The following PHF21B variants were observed in gnomAD, a reference collection of about 807,000 sequenced individuals.
PHF21B encodes PHD finger protein 21B.
A neutral mutation model predicts 62.2 loss-of-function variants in PHF21B; 22 were observed. The observed-to-expected ratio is 0.35, with a 90% CI of 0.25 to 0.51. The LOEUF is 0.51. Ranked by LOEUF, PHF21B falls within the 20% of genes least tolerant of loss-of-function variation. The pLI, the probability that PHF21B is intolerant of heterozygous loss-of-function variation, is 0.97. For missense variants in PHF21B, 701 were observed against 707.9 expected (o/e 0.99, Z 0.11); for synonymous variants, 341 against 314.7 (o/e 1.08, Z -0.88).
chr22:44,899,799 GT>G (rs2071125878), intron 5 of PHF21B, among the ~76,000 whole-genome samples: 1 of 152,152 alleles, frequency 6.6e-6, no homozygotes, highest in Non-Finnish European at 1.5e-5. Flanking sequence ...ACAGGTTACT[GT>G]GTTGCTATGA....
intron 2 of PHF21B, among the ~76,000 whole-genome samples, chr22:44,943,597 G>T (rs1412964489): frequency 6.6e-6 from 1 of 152,096 alleles, no homozygotes; most frequent in Non-Finnish European, 1.5e-5. Context: ...CTGGCAGCTG[G>T]CTCACACCGG....
intron 5 of PHF21B, among the ~76,000 whole-genome samples, chr22:44,910,544 T>C (rs917254414): frequency 3.3e-5 from 5 of 152,178 alleles, no homozygotes; most frequent in African/African-American, 1.2e-4. Flanking sequence ...TGATAGTGAA[T>C]GTCTCACGAG....
chr22:44,963,008 C>A (rs1764764620), intron 2 of PHF21B, among the ~76,000 whole-genome samples: 1 of 152,248 alleles, frequency 6.6e-6, no homozygotes, highest in South Asian at 2.1e-4. Flanking sequence ...TCATCCGGTT[C>A]TTTCAACAAC....
At chr22:44,986,552 C>T (rs1226276480) in intron 2 of PHF21B, among the ~76,000 whole-genome samples, 2 of 149,144 alleles carry the variant, frequency 1.3e-5, no homozygotes, top group African/African-American at 2.5e-5. Flanking sequence ...AAAAGGGCAA[C>T]CCAAGCAGGA....
intron 2 of PHF21B, among the ~76,000 whole-genome samples, chr22:44,941,723 G>A (rs868221421): frequency 1.3e-5 from 2 of 152,156 alleles, no homozygotes; most frequent in Non-Finnish European, 2.9e-5. Context: ...CTGGGCAGGG[G>A]GATACGGCGG....
chr22:44,982,721 G>A lies in PHF21B; in HGVS notation c.120+25824C>T, dbSNP rs755287619. ...GCAATTATTTGTAACAAGGTTTACA[G>A]AGGGCATTTAAAATTAATGGTGATT... On this transcript the variant is annotated intron_variant, in intron 2 of 12. Coordinates refer to ENST00000313237, the MANE Select transcript of PHF21B (RefSeq NM_138415.5). 1.1e-4 allele frequency among the ~76,000 whole-genome samples: 16 copies of A among 152,214 alleles called. 1 individual carries two copies. Among genetic ancestry groups the A allele is most frequent in the Non-Finnish European group, 1.6e-4 (11 of 68,044 alleles).
At chr22:44,924,066 G>A (rs1426821978) in intron 2 of PHF21B, among the ~76,000 whole-genome samples, 1 of 66,738 alleles carries the variant, frequency 1.5e-5, no homozygotes, top group Non-Finnish European at 3.8e-5. Context: ...GAGGGAGGGA[G>A]GGAGGGGAGG....
chr22:44,925,844 G>A (rs867310782), intron 2 of PHF21B, among the ~76,000 whole-genome samples: 3 of 152,186 alleles, frequency 2.0e-5, no homozygotes, highest in Non-Finnish European at 4.4e-5. Flanking sequence ...CAAGGTGTGT[G>A]GAAGGCTCTG....
intron 2 of PHF21B, among the ~76,000 whole-genome samples, chr22:45,002,670 CCCTGCACT>C (rs1279643629): frequency 6.6e-6 from 1 of 152,238 alleles, no homozygotes; most frequent in Non-Finnish European, 1.5e-5. Context: ...CCCTCAGCAC[CCCTGCACT>C]CCTACACACA....
chr22:44,913,795 TG>T (rs1569223960), intron 5 of PHF21B, 26 bp downstream of exon 5: 2 of 1,602,224 alleles, frequency 1.2e-6, no homozygotes, highest in Non-Finnish European at 8.5e-7. Flanking sequence ...GAGCAGGGCC[TG>T]GGCCCTCCGG....
At chr22:44,909,740 G>A (rs529042309) in intron 5 of PHF21B, among the ~76,000 whole-genome samples, 2 of 152,300 alleles carry the variant, frequency 1.3e-5, no homozygotes, top group Admixed American at 6.5e-5. Flanking sequence ...TATTGCCTAT[G>A]CAGTGCCCTC....
chr22:44,881,759 G>C lies in PHF21B; in HGVS notation c.*1327C>G, dbSNP rs980825178. The C allele has an allele frequency of 2.0e-5, 3 of 152,706 alleles. No homozygotes were observed. The highest frequency in any genetic ancestry group is 4.4e-5 in the Non-Finnish European group (3 of 68,078). 9.5% of individuals were successfully genotyped at this position (152,706 alleles called of 1,614,324 possible). On this transcript the variant is annotated 3_prime_UTR_variant, in exon 13 of 13. Coordinates refer to ENST00000313237, the MANE Select transcript of PHF21B (RefSeq NM_138415.5). ...TGTGATATGCTCGGGGTGGGAGCCCGTGGCTCCTGGACGCTTATCCTGTTG... is the reference window on the plus strand; with the variant it reads ...TGTGATATGCTCGGGGTGGGAGCCCCTGGCTCCTGGACGCTTATCCTGTTG...
At chr22:44,887,144 G>A (rs1389392288) in intron 10 of PHF21B, among the ~76,000 whole-genome samples, 2 of 115,026 alleles carry the variant, frequency 1.7e-5, no homozygotes, top group Admixed American at 1.0e-4. Context: ...CAACAAGAGC[G>A]AAACTCCATC....
At chr22:44,892,158 C>T (rs1471744414) in intron 7 of PHF21B, among the ~76,000 whole-genome samples, 3 of 151,340 alleles carry the variant, frequency 2.0e-5, no homozygotes, top group Non-Finnish European at 2.9e-5. Flanking sequence ...ATGAAGCCCT[C>T]CCTGTCTGGA....
chr22:44,886,787 T>G (rs2070867362), intron 10 of PHF21B, among the ~76,000 whole-genome samples: 1 of 151,994 alleles, frequency 6.6e-6, no homozygotes, highest in African/African-American at 2.4e-5. Context: ...GCCCACCATA[T>G]CCACAGCCTT....
In PHF21B at chr22:44,884,145, A is replaced by G. The variant is rs57169809; in HGVS notation, c.1378-841T>C. 1.2e-3 allele frequency among the ~76,000 whole-genome samples: 134 copies of G among 115,626 alleles called. No individual in the cohort carries two copies. The South Asian group carries it at 0.012, about 10-fold the overall frequency. 75.9% of individuals were successfully genotyped at this position (115,626 alleles called of 152,430 possible). A position where few individuals can be genotyped will look rare whatever the true frequency, so the allele number is the denominator to read the frequency against. Reference sequence around the variant, plus strand: ...CATCATGATCACCATTATCACCACCACCACCATCACTGTGATCAGCACCAT... The same window carrying G: ...CATCATGATCACCATTATCACCACCGCCACCATCACTGTGATCAGCACCAT... On this transcript the variant is annotated intron_variant, in intron 12 of 12. Transcript: ENST00000313237.
Position 45,009,609 on chromosome 22 carries a change from G to A in PHF21B, c.-60C>T, listed in dbSNP as rs1400585034. The A allele has an allele frequency of 1.3e-6, 2 of 1,484,476 alleles. No homozygotes were observed. The highest frequency in any genetic ancestry group is 2.9e-5 in the African/African-American group (2 of 68,826). 92.0% of individuals were successfully genotyped at this position (1,484,476 alleles called of 1,614,324 possible). A position where few individuals can be genotyped will look rare whatever the true frequency, so the allele number is the denominator to read the frequency against. ...GGCCCGGGCTCCCGGGAAGTTGCGC[G>A]GCTCCGCGGGGGCCAGAGCGGGCGC... On this transcript the variant is annotated 5_prime_UTR_variant, in exon 1 of 13. Transcript: ENST00000313237. This position sits in a 1 kb window ranked among gnomAD's most constrained non-coding sequence, Gnocchi z 5.9.
chr22:45,001,585 A>G (rs949068915), intron 2 of PHF21B, among the ~76,000 whole-genome samples: 6 of 152,234 alleles, frequency 3.9e-5, no homozygotes, highest in Admixed American at 2.0e-4. Flanking sequence ...TGTGGGCTAT[A>G]TCAAGTGAAA....
At chr22:44,998,332 C>T (rs1187940863) in intron 2 of PHF21B, among the ~76,000 whole-genome samples, 1 of 152,188 alleles carries the variant, frequency 6.6e-6, no homozygotes, top group Non-Finnish European at 1.5e-5. Flanking sequence ...CTGGGGCCAG[C>T]GGCTTCAGAA....
Sources: gnomAD v4.1 joint callset for allele counts (sites outside exome capture counted in the v4.1 genomes callset) on GRCh38, gnomAD v4.1.1 for gene constraint, Gnocchi (gnomAD v3.1) non-coding constraint, MANE v1.5 for transcripts, NCBI Gene and HGNC (gene_info 2026-07-23, HGNC 2026-07-21) for gene names.